Variants in EIF2AK3 observed in about 807,000 individuals in gnomAD.
EIF2AK3 encodes the protein eukaryotic translation initiation factor 2-alpha kinase 3.
A neutral mutation model predicts 113.5 loss-of-function variants in EIF2AK3; 50 were observed. The ratio of observed to expected loss-of-function variants is 0.44; its 90% confidence interval spans 0.35 to 0.56. The LOEUF is 0.56. EIF2AK3 is among the 20% of genes least tolerant of loss of function. EIF2AK3 has a pLI of 0.00. For missense variants in EIF2AK3, 1,185 were observed against 1,378.0 expected (o/e 0.86, Z 2.22); for synonymous variants, 448 against 495.4 (o/e 0.90, Z 1.27).
rs773387179 is a variant in EIF2AK3, at chr2:88,593,323, T to C, written c.716A>G (p.Gln239Arg). The change falls in exon 4 of 17, where the codon CAG becomes CGG. Residue 239 changes from glutamine to arginine, a missense_variant. By Grantham distance (43) the Gln-to-Arg change is conservative. This residue lies in a region of EIF2AK3 where 119 missense variants were observed against 178.7 expected (regional missense o/e 0.67). Transcript: ENST00000303236. ...AGCTCTAACAGTTTTTTGGGTACGC[T>C]GTAGAAGCAGGATGTCTTCCTCTTG... ...MEQEEDILLL[Q>R]RTQKTVRAVG... The C allele has an allele frequency of 3.7e-6, 6 of 1,614,076 alleles. No homozygotes were observed. The Admixed American group carries it at 8.3e-5, about 22-fold the overall frequency.
Position 88,559,545 on chromosome 2 carries a change from TGTACATTTAC to T in EIF2AK3, c.3088-576_3088-567del, listed in dbSNP as rs754042551. 3.1e-3 allele frequency among the ~76,000 whole-genome samples: 466 copies of T among 151,692 alleles called. 2 individuals are homozygous for T. Among genetic ancestry groups the T allele is most frequent in the Non-Finnish European group, 3.7e-3 (248 of 67,904 alleles). On this transcript the variant is annotated intron_variant, in intron 15 of 16. Transcript: ENST00000303236. ...GTGTGTGTGTGTGTGTGTGTGTGTA[TGTACATTTAC>T]ATATATGTGTATATATGTATGTGTG...
rs200538775 is a variant in EIF2AK3 at position 88,570,886 on chromosome 2, C to T, written c.2973G>A (p.Met991Ile). The change falls in exon 14 of 17, where the codon ATG becomes ATA. Residue 991 changes from methionine to isoleucine, a missense_variant. Coordinates refer to ENST00000303236, the MANE Select transcript of EIF2AK3 (RefSeq NM_004836.7). Reference sequence around the variant, plus strand: ...CTGAAAAACTCACCTGCTCTGGGCTCATATACAGTTTGGTCCCTACTTGTC... The same window carrying T: ...CTGAAAAACTCACCTGCTCTGGGCTTATATACAGTTTGGTCCCTACTTGTC... ...HTGQVGTKLY[M>I]SPEQIHGNSY... The T allele has an allele frequency of 2.5e-6, 4 of 1,614,148 alleles. No homozygotes were observed. The highest frequency in any genetic ancestry group is 2.5e-6 in the Non-Finnish European group (3 of 1,180,024).
intron 14 of EIF2AK3, among the ~76,000 whole-genome samples, chr2:88,564,111 A>G (rs1041783353): frequency 6.6e-6 from 1 of 152,234 alleles, no homozygotes; most frequent in African/African-American, 2.4e-5. Flanking sequence ...GACCTAGAAT[A>G]TATCCTTTGA....
At position 88,583,491 on chromosome 2, in the gene EIF2AK3, CAGA is replaced by C; in HGVS notation, c.1699_1701del (p.Ser567del). ...CTACTGTCATTGGCTTCACCACTTA[CAGA>C]ATCATATTTATTTTCAGTTTGACAC... On this transcript the variant is annotated inframe_deletion, in exon 10 of 17. Coordinates refer to ENST00000303236, the MANE Select transcript of EIF2AK3 (RefSeq NM_004836.7). 3 of 1,613,210 alleles carry C rather than the reference CAGA, an allele frequency of 1.9e-6. No homozygotes were observed. Among genetic ancestry groups the C allele is most frequent in the Non-Finnish European group, 2.5e-6 (3 of 1,179,674 alleles).
Position 88,574,948 on chromosome 2 carries a change from G to A in EIF2AK3, c.2535C>T (p.Ser845=). ...NKLTAFKPTS[S]KSSSEATLSI... Reference sequence around the variant, plus strand: ...ACAATGTAGCTTCAGAAGAAGATTTGCTACTGGTGGGCTTGAAAGCAGTTA... The same window carrying A: ...ACAATGTAGCTTCAGAAGAAGATTTACTACTGGTGGGCTTGAAAGCAGTTA... The change falls in exon 13 of 17, where the codon AGC becomes AGT. Residue 845 remains serine (S), a synonymous_variant. Transcript: ENST00000303236. The A allele has an allele frequency of 6.2e-7, 1 of 1,614,180 alleles. No homozygotes were observed. The highest frequency in any genetic ancestry group is 1.1e-5 in the South Asian group (1 of 91,080).
intron 14 of EIF2AK3, among the ~76,000 whole-genome samples, chr2:88,569,097 G>C (rs1674220278): frequency 6.6e-6 from 1 of 152,136 alleles, no homozygotes; most frequent in Admixed American, 6.5e-5. Context: ...CACCATGTTG[G>C]CCATGCTGGT....
At chr2:88,569,578 AC>A (rs1173503764) in intron 14 of EIF2AK3, among the ~76,000 whole-genome samples, 1 of 152,214 alleles carries the variant, frequency 6.6e-6, no homozygotes, top group Non-Finnish European at 1.5e-5. Context: ...TTTTTATATT[AC>A]ATAATGAACT....
At chr2:88,558,808 A>G (rs1403889072) in intron 16 of EIF2AK3, 109 bp downstream of exon 16, 4 of 876,680 alleles carry the variant, frequency 4.6e-6, no homozygotes, top group African/African-American at 3.4e-5. Flanking sequence ...TCCTCTCTAG[A>G]CCTTTGGCTT....
intron 2 of EIF2AK3, 61 bp downstream of exon 2, chr2:88,613,663 A>C (rs1467478319): frequency 2.6e-5 from 41 of 1,597,332 alleles, no homozygotes; most frequent in Non-Finnish European, 3.3e-5. Flanking sequence ...AAACTTCTTA[A>C]TATCAGCAAT....
intron 14 of EIF2AK3, among the ~76,000 whole-genome samples, chr2:88,563,053 G>A (rs781139617): frequency 2.6e-5 from 4 of 152,154 alleles, no homozygotes; most frequent in African/African-American, 4.8e-5. Context: ...AGAACTACTC[G>A]ACTAAAGAAA....
At chr2:88,571,105 T>C in intron 13 of EIF2AK3, 64 bp from the exon 14 acceptor site, 2 of 1,555,148 alleles carry the variant, frequency 1.3e-6, no homozygotes, top group South Asian at 1.1e-5. Context: ...GTAAAGAGAA[T>C]TATTTAAAAG....
In EIF2AK3 at chr2:88,579,705, T is replaced by G. The variant is rs1674550830; in HGVS notation, c.1764-65A>C. 8 of 1,464,292 alleles carry G rather than the reference T, an allele frequency of 5.5e-6. No homozygotes were observed. In the East Asian group the frequency reaches 1.9e-4, roughly 35 times the overall value. 90.7% of individuals were successfully genotyped at this position (1,464,292 alleles called of 1,614,324 possible). On this transcript the variant is annotated intron_variant, in intron 10 of 16. Coordinates refer to ENST00000303236, the MANE Select transcript of EIF2AK3 (RefSeq NM_004836.7). ...TTTAAATTTTGTGGTAATGTGAAAATCAGTTCAATCTTATGACACATAAAA... is the reference window on the plus strand; with the variant it reads ...TTTAAATTTTGTGGTAATGTGAAAAGCAGTTCAATCTTATGACACATAAAA...
chr2:88,576,714 G>C lies in EIF2AK3; in HGVS notation c.1887-11C>G. On this transcript the variant is annotated splice_polypyrimidine_tract_variant and intron_variant, in intron 11 of 16. Transcript: ENST00000303236. ...TCCCGAGCCAATTCCCTGAAAGAGA[G>C]AAAATATTTAAGGTGATGGATATTC... 1 of 1,613,638 alleles carries C rather than the reference G, an allele frequency of 6.2e-7. No individual in the cohort carries two copies. The highest frequency in any genetic ancestry group is 1.7e-5 in the Admixed American group (1 of 59,980).
chr2:88,588,992 T>C (rs1301924784), intron 6 of EIF2AK3, 91 bp from the exon 7 acceptor site: 4 of 1,405,794 alleles, frequency 2.8e-6, no homozygotes, highest in Non-Finnish European at 3.9e-6. Context: ...CAGTTATTTC[T>C]ACATACACCA....
At chr2:88,612,786 A>G (rs183257948) in intron 2 of EIF2AK3, among the ~76,000 whole-genome samples, 4 of 152,178 alleles carry the variant, frequency 2.6e-5, no homozygotes, top group Non-Finnish European at 5.9e-5. Context: ...TGTCTTTTCC[A>G]TACTTAATAT....
Position 88,579,576 on chromosome 2 carries a change from C to G in EIF2AK3, c.1828G>C (p.Ala610Pro). ...TTGCAGTCATCTACTTTGTTTTTAG[C>G]TTCAAAAACAACTCCAAAGCCACCA... The part of the protein sequence containing the change: ...GRGGFGVVFE[A>P]KNKVDDCNYA... The change falls in exon 11 of 17, where the codon GCT becomes CCT. Residue 610 changes from alanine to proline, a missense_variant. Around this residue, in one of 3 missense-constraint regions of EIF2AK3, gnomAD observed 877 missense variants for 1,024.2 expected, o/e 0.86. Coordinates refer to ENST00000303236, the MANE Select transcript of EIF2AK3 (RefSeq NM_004836.7). The G allele has an allele frequency of 6.2e-7, 1 of 1,613,684 alleles. No homozygotes were observed.
At chr2:88,595,889 C>T (rs1425089960) in intron 2 of EIF2AK3, 1 of 601,478 alleles carries the variant, frequency 1.7e-6, no homozygotes, top group Non-Finnish European at 3.0e-6. Context: ...CCAGGCCCTA[C>T]ACATAGTACT....
intron 11 of EIF2AK3, among the ~76,000 whole-genome samples, chr2:88,578,917 T>C (rs1674530042): frequency 6.6e-6 from 1 of 152,110 alleles, no homozygotes. Flanking sequence ...TGTTTAACAA[T>C]AAGAAATGGT....
chr2:88,558,099 A>G (rs1673833275), intron 16 of EIF2AK3, among the ~76,000 whole-genome samples, 163 bp from the exon 17 acceptor site: 1 of 152,230 alleles, frequency 6.6e-6, no homozygotes, highest in African/African-American at 2.4e-5. Context: ...CCGTCAATGC[A>G]CAAAAGCATC....
Sources: allele counts gnomAD v4.1 joint callset (sites outside exome capture counted in the v4.1 genomes callset), GRCh38; gene constraint gnomAD v4.1.1; regional missense constraint gnomAD v4.1.1; transcripts MANE v1.5; gene names NCBI Gene and HGNC (gene_info 2026-07-23, HGNC 2026-07-21).